The following ARID4B variants were observed in gnomAD, a reference collection of about 807,000 sequenced individuals.
The protein encoded by ARID4B is AT-rich interactive domain-containing protein 4B.
Under a neutral mutation model 147.5 loss-of-function variants are expected in ARID4B, and 26 were observed. That is an observed-to-expected ratio of 0.18 (90% confidence interval 0.13 to 0.24). The LOEUF is 0.24. Among genes scored for constraint, ARID4B ranks in the 10% least tolerant of loss-of-function variants. ARID4B has a pLI of 1.00. For missense variants in ARID4B, 1,179 were observed against 1,511.5 expected (o/e 0.78, Z 3.65); for synonymous variants, 512 against 507.9 (o/e 1.01, Z -0.11).
intron 2 of ARID4B, among the ~76,000 whole-genome samples, chr1:235,311,059 C>T (rs950900904): frequency 6.6e-6 from 1 of 152,158 alleles, no homozygotes; most frequent in Non-Finnish European, 1.5e-5. Context: ...CACAGGGATG[C>T]TCCCTCACTA....
chr1:235,310,452 A>G (rs1331137975), intron 2 of ARID4B, among the ~76,000 whole-genome samples: 1 of 152,206 alleles, frequency 6.6e-6, no homozygotes, highest in African/African-American at 2.4e-5. Flanking sequence ...CAAATCACTC[A>G]ACATCTTTAC....
chr1:235,169,236 TTTTG>T (rs923913668), intron 23 of ARID4B, among the ~76,000 whole-genome samples: 11 of 152,056 alleles, frequency 7.2e-5, no homozygotes, highest in African/African-American at 1.4e-4. Flanking sequence ...TTTCGTTTTT[TTTTG>T]TTTGTTTGTT....
chr1:235,273,267 C>G (rs907037880), intron 2 of ARID4B, among the ~76,000 whole-genome samples: 8 of 152,156 alleles, frequency 5.3e-5, no homozygotes, highest in Non-Finnish European at 7.3e-5. Flanking sequence ...TGGTCTCGAA[C>G]TCCTGACCTC....
At chr1:235,247,792 C>A (rs1669394903) in intron 6 of ARID4B, among the ~76,000 whole-genome samples, 1 of 152,028 alleles carries the variant, frequency 6.6e-6, no homozygotes, top group Admixed American at 6.6e-5. Flanking sequence ...AGTTGGAGAC[C>A]AGCCTGACCA....
chr1:235,294,255 T>A (rs1672527722), intron 2 of ARID4B, among the ~76,000 whole-genome samples: 1 of 150,684 alleles, frequency 6.6e-6, no homozygotes, highest in Non-Finnish European at 1.5e-5. Context: ...AGTAAAATAA[T>A]ACCTCTTTCG....
At chr1:235,225,918 T>C (rs12743844) in intron 11 of ARID4B, among the ~76,000 whole-genome samples, 44,581 of 152,066 alleles carry the variant, frequency 0.29, 7,680 homozygotes, top group South Asian at 0.53. Flanking sequence ...AACCATTAAT[T>C]TGCTAATGAT....
At chr1:235,315,725 T>C (rs1018847901) in intron 2 of ARID4B, among the ~76,000 whole-genome samples, 2 of 152,226 alleles carry the variant, frequency 1.3e-5, no homozygotes, top group African/African-American at 4.8e-5. Flanking sequence ...TACAGGGATG[T>C]TGAATTCTAT....
intron 17 of ARID4B, among the ~76,000 whole-genome samples, chr1:235,196,734 C>T (rs576962287): frequency 2.0e-5 from 3 of 151,608 alleles, no homozygotes; most frequent in South Asian, 2.1e-4. Context: ...GGGCCTGTAG[C>T]CCCAGCTACT....
At chr1:235,217,402 C>T (rs1323248438) in intron 16 of ARID4B, among the ~76,000 whole-genome samples, 1 of 124,280 alleles carries the variant, frequency 8.0e-6, no homozygotes, top group African/African-American at 3.3e-5. Flanking sequence ...TTGATGCATA[C>T]ACTACATACA....
intron 19 of ARID4B, among the ~76,000 whole-genome samples, chr1:235,192,093 A>G (rs1460095063): frequency 6.6e-6 from 1 of 152,168 alleles, no homozygotes; most frequent in Non-Finnish European, 1.5e-5. Context: ...AAAACAAAAA[A>G]ACACCCTAAA....
At chr1:235,196,173 T>C (rs1665477490) in intron 17 of ARID4B, 58 bp from the exon 18 acceptor site, 1 of 860,534 alleles carries the variant, frequency 1.2e-6, no homozygotes, top group Non-Finnish European at 1.8e-6. Flanking sequence ...AAATAACCTA[T>C]GCCATATTAA....
intron 2 of ARID4B, among the ~76,000 whole-genome samples, chr1:235,283,651 ACAGT>A (rs945586101): frequency 1.6e-4 from 24 of 152,320 alleles, no homozygotes; most frequent in African/African-American, 5.5e-4. Flanking sequence ...TTTACTTAAG[ACAGT>A]CAATTTTAAG....
chr1:235,217,917 C>T (rs1175867009), intron 16 of ARID4B, among the ~76,000 whole-genome samples: 1 of 152,132 alleles, frequency 6.6e-6, no homozygotes, highest in Non-Finnish European at 1.5e-5. Flanking sequence ...AGTACCAAAC[C>T]TTATATATAC....
intron 6 of ARID4B, among the ~76,000 whole-genome samples, chr1:235,249,107 C>T (rs1176460860): frequency 1.3e-5 from 2 of 152,026 alleles, no homozygotes; most frequent in East Asian, 1.9e-4. Flanking sequence ...CCAAGGTGGG[C>T]GGATCACTTG....
intron 2 of ARID4B, among the ~76,000 whole-genome samples, chr1:235,310,959 C>T (rs1294630023): frequency 2.6e-5 from 4 of 152,146 alleles, no homozygotes; most frequent in Non-Finnish European, 4.4e-5. Context: ...GTATAAGCCA[C>T]CGCACCCGGC....
At chr1:235,178,558 C>G (rs1408155511) in intron 20 of ARID4B, among the ~76,000 whole-genome samples, 2 of 152,150 alleles carry the variant, frequency 1.3e-5, no homozygotes, top group Non-Finnish European at 2.9e-5. Flanking sequence ...TCTTCAAGGA[C>G]TAGCCCAAGT....
At chr1:235,186,170 T>A (rs1307073968) in intron 19 of ARID4B, among the ~76,000 whole-genome samples, 3 of 152,100 alleles carry the variant, frequency 2.0e-5, no homozygotes, top group Non-Finnish European at 4.4e-5. Context: ...GGTTTCACCG[T>A]GTTAGCCAGG....
rs759265418 is a variant in ARID4B, at chr1:235,168,580, G to C, written c.3884C>G (p.Ala1295Gly). ...SITAAVMLTL[A>G]EPSMSSASQN... is the part of the protein sequence containing the mutation. ...TGATGCGCTGGACATTGACGGTTCA[G>C]CTAAAGTTAACATAACAGCAGCTGT... The change falls in exon 24 of 24, where the codon GCT (alanine) becomes GGT (glycine). Residue 1295 changes from alanine to glycine, a missense_variant. Physicochemically the swap from Ala to Gly is moderately conservative, Grantham distance 60. Transcript: ENST00000264183. 1 of 1,614,110 alleles carries C rather than the reference G, an allele frequency of 6.2e-7. No homozygotes were observed. Among genetic ancestry groups the C allele is most frequent in the Non-Finnish European group, 8.5e-7 (1 of 1,180,004 alleles).
chr1:235,313,512 A>C (rs867280597), intron 2 of ARID4B, among the ~76,000 whole-genome samples: 8 of 152,086 alleles, frequency 5.3e-5, no homozygotes, highest in African/African-American at 1.4e-4. Context: ...TAGGCTGCCC[A>C]TGCTAGATCA....
Sources: allele counts gnomAD v4.1 joint callset (sites outside exome capture counted in the v4.1 genomes callset), GRCh38; gene constraint gnomAD v4.1.1; transcripts MANE v1.5; gene names NCBI Gene and HGNC (gene_info 2026-07-23, HGNC 2026-07-21).